The following RYR1 variants were observed in gnomAD, a reference collection of about 807,000 sequenced individuals.
RYR1 encodes central core disease of muscle.
A neutral mutation model predicts 583.5 loss-of-function variants in RYR1; 342 were observed. The observed-to-expected ratio is 0.59, with a 90% CI of 0.54 to 0.64. The LOEUF is 0.64. Among genes scored for constraint, RYR1 ranks in the 30% least tolerant of loss-of-function variants. The pLI is 0.00. For synonymous variants in RYR1, 2,791 were observed against 2,822.5 expected (o/e 0.99, Z 0.35); for missense variants, 6,032 against 6,917.2 (o/e 0.87, Z 4.54).
chr19:38,464,042 C>T (rs543733051), intron 22 of RYR1, among the ~76,000 whole-genome samples, 192 bp downstream of exon 22: 51 of 151,658 alleles, frequency 3.4e-4, no homozygotes, highest in South Asian at 1.7e-3. Flanking sequence ...TTTGGGAGGC[C>T]GAGACGGGTG....
chr19:38,505,756 C>A (rs1348489766), intron 53 of RYR1, 50 bp from the exon 54 acceptor site: 1 of 1,611,808 alleles, frequency 6.2e-7, no homozygotes, highest in South Asian at 1.1e-5. Flanking sequence ...CCTTCCTCCA[C>A]CCCTCTCTCA....
intron 31 of RYR1, among the ~76,000 whole-genome samples, chr19:38,481,274 G>A (rs112716672): frequency 2.6e-4 from 39 of 152,066 alleles, no homozygotes; most frequent in African/African-American, 9.2e-4. Context: ...CCACAGACAC[G>A]CACTACCACA....
intron 60 of RYR1, 60 bp from the exon 61 acceptor site, chr19:38,511,501 G>C: frequency 1.3e-6 from 2 of 1,578,292 alleles, no homozygotes; most frequent in East Asian, 4.5e-5. Context: ...CGCTGTCCTC[G>C]TCTCCTTGGC....
At chr19:38,547,169 G>GCTGGGACTA (rs1972469207) in intron 88 of RYR1, among the ~76,000 whole-genome samples, 1 of 150,264 alleles carries the variant, frequency 6.7e-6, no homozygotes, top group Non-Finnish European at 1.5e-5. Flanking sequence ...CTCCCCGGTA[G>GCTGGGACTA]CTGGGACTAC....
At chr19:38,487,197 C>T (rs1339694008) in intron 34 of RYR1, among the ~76,000 whole-genome samples, 1 of 152,118 alleles carries the variant, frequency 6.6e-6, no homozygotes, top group Non-Finnish European at 1.5e-5. Context: ...TTCATATGTA[C>T]GTACACCCAT....
rs747996660 is a variant in RYR1, at chr19:38,448,345, C to T, written c.801-10C>T. 6.2e-7 allele frequency: 1 copy of T among 1,606,194 alleles called. No individual in the cohort carries two copies. The highest frequency in any genetic ancestry group is 1.3e-5 in the African/African-American group (1 of 75,020). ...GTCCTCTGACTCCCCTTGGCTCTCA[C>T]CCTCCACAGCTGGAGTGGGAGCCAC... On this transcript the variant is annotated splice_polypyrimidine_tract_variant and intron_variant, in intron 9 of 105. Coordinates refer to ENST00000359596, the MANE Select transcript of RYR1 (RefSeq NM_000540.3).
rs1167987822 is a variant in RYR1 at position 38,528,609 on chromosome 19, T to A, written c.10948T>A (p.Cys3650Ser). ...PLYNLPTHRACNMFLESYKAA... is the reference protein window; with the variant it reads ...PLYNLPTHRASNMFLESYKAA... ...ACCTCTCCCCTGCAGGCACCGGGCA[T>A]GTAACATGTTCCTGGAGAGCTACAA... Residue 3650 changes from cysteine to serine, a missense_variant, in exon 75 of 106, where the codon TGT becomes AGT. Physicochemically the swap from Cys to Ser is moderately radical, Grantham distance 112. This residue lies in a region of RYR1 where 1,493 missense variants were observed against 1,715.5 expected (regional missense o/e 0.87). Coordinates refer to ENST00000359596, the MANE Select transcript of RYR1 (RefSeq NM_000540.3). 1 of 1,614,130 alleles carries A rather than the reference T, an allele frequency of 6.2e-7. No individual in the cohort carries two copies. The highest frequency in any genetic ancestry group is 1.1e-5 in the South Asian group (1 of 91,078).
At chr19:38,535,448 A>C in intron 81 of RYR1, 56 bp downstream of exon 81, 1 of 1,274,424 alleles carries the variant, frequency 7.8e-7, no homozygotes, top group Admixed American at 1.7e-5. Context: ...CTGCCACCCC[A>C]CTCCTGGTAC....
chr19:38,440,991 G>C, intron 2 of RYR1, 127 bp downstream of exon 2: 2 of 915,644 alleles, frequency 2.2e-6, no homozygotes, highest in Non-Finnish European at 3.1e-6. Flanking sequence ...GAGGAGGGGG[G>C]CTAAGGCTAA....
At chr19:38,476,414 G>T (rs978832359) in intron 29 of RYR1, among the ~76,000 whole-genome samples, 4 of 152,126 alleles carry the variant, frequency 2.6e-5, no homozygotes, top group Non-Finnish European at 4.4e-5. Flanking sequence ...GGCCAGGCTG[G>T]TCTCAAACTC....
chr19:38,578,129 C>T lies in RYR1; in HGVS notation c.14304-15C>T, dbSNP rs1265641854. ...TCTGACACTCAAGCATCTCTCCCCA[C>T]CCCCGCCCCCACAGGCTCATGTCCA... On this transcript the variant is annotated splice_polypyrimidine_tract_variant and intron_variant, in intron 98 of 105. Coordinates refer to ENST00000359596, the MANE Select transcript of RYR1 (RefSeq NM_000540.3). 1.2e-6 allele frequency: 2 copies of T among 1,612,846 alleles called. No individual in the cohort carries two copies. Among genetic ancestry groups the T allele is most frequent in the Non-Finnish European group, 8.5e-7 (1 of 1,179,456 alleles).
chr19:38,462,055 A>G (rs1426363646), intron 20 of RYR1, among the ~76,000 whole-genome samples: 1 of 152,132 alleles, frequency 6.6e-6, no homozygotes, highest in African/African-American at 2.4e-5. Flanking sequence ...ACTCCATCTC[A>G]AAAGAAGAAA....
rs10408694 is a variant in RYR1, at chr19:38,584,752, T to C, written c.14647-191T>C. 0.13 allele frequency among the ~76,000 whole-genome samples: 19,647 copies of C among 147,642 alleles called. 2,691 individuals are homozygous for C. The highest frequency in any genetic ancestry group is 0.33 in the African/African-American group (13,118 of 39,404). ...CTGGCCCTCACCCCCCTGCCCGTGC[T>C]GTTCCTGTCACAGCCCTGACCATTT... is the stretch of plus-strand genomic sequence containing the variant. On this transcript the variant is annotated intron_variant, in intron 101 of 105. Coordinates refer to ENST00000359596, the MANE Select transcript of RYR1 (RefSeq NM_000540.3).
intron 70 of RYR1, among the ~76,000 whole-genome samples, chr19:38,524,483 G>A (rs1437290647): frequency 6.6e-6 from 1 of 152,208 alleles, no homozygotes; most frequent in African/African-American, 2.4e-5. Context: ...GAAGCTGCAT[G>A]TGTGGCCTGC....
Position 38,517,562 on chromosome 19 carries a change from C to T in RYR1, c.9889C>T (p.Pro3297Ser), listed in dbSNP as rs2145682498. Residue 3297 changes from proline to serine, a missense_variant, in exon 66 of 106, where the codon CCC becomes TCC. Transcript: ENST00000359596. ...GCCCGAGGCACCCCCTTCCGCCCTG[C>T]CCGCCGGCGCCCCCCCACCCTGCAC... ...RGPEAPPSAL[P>S]AGAPPPCTAV... 1.2e-6 allele frequency: 2 copies of T among 1,613,768 alleles called. No individual in the cohort carries two copies. The highest frequency in any genetic ancestry group is 1.7e-6 in the Non-Finnish European group (2 of 1,179,778).
chr19:38,560,145 CCT>C (rs1973059704), intron 89 of RYR1, among the ~76,000 whole-genome samples: 3 of 152,094 alleles, frequency 2.0e-5, no homozygotes, highest in Admixed American at 2.0e-4. Flanking sequence ...GGGCAAATCA[CCT>C]GAGTTCAGGA....
At chr19:38,515,305 T>G (rs1204779547) in intron 64 of RYR1, among the ~76,000 whole-genome samples, 198 bp downstream of exon 64, 1 of 152,092 alleles carries the variant, frequency 6.6e-6, no homozygotes, top group Non-Finnish European at 1.5e-5. Flanking sequence ...CCGCCAGGTC[T>G]GGGGCTGTGA....
intron 29 of RYR1, among the ~76,000 whole-genome samples, chr19:38,476,976 G>A (rs953184344): frequency 2.6e-5 from 4 of 151,732 alleles, no homozygotes; most frequent in Non-Finnish European, 5.9e-5. Flanking sequence ...TGAGGCTGCA[G>A]GCTACGATGG....
intron 7 of RYR1, 59 bp from the exon 8 acceptor site, chr19:38,446,413 C>A (rs889941453): frequency 3.0e-6 from 4 of 1,323,168 alleles, no homozygotes; most frequent in Admixed American, 1.7e-5. Flanking sequence ...TTCATCTTGG[C>A]TCCTGGTCTT....
Sources: gnomAD v4.1 joint callset for allele counts (sites outside exome capture counted in the v4.1 genomes callset) on GRCh38, gnomAD v4.1.1 for gene constraint, gnomAD v4.1.1 regional missense constraint, MANE v1.5 for transcripts, NCBI Gene and HGNC (gene_info 2026-07-23, HGNC 2026-07-21) for gene names.